ROBO2: variants seen among roughly 807,000 people sequenced by gnomAD.
ROBO2 encodes roundabout homolog 2.
A neutral mutation model predicts 160.8 loss-of-function variants in ROBO2; 53 were observed. The ratio of observed to expected loss-of-function variants is 0.33; its 90% CI spans 0.26 to 0.41. The LOEUF (loss-of-function observed/expected upper bound fraction) is 0.41. Among genes scored for constraint, ROBO2 ranks in the 10% least tolerant of loss-of-function variants. The pLI is 1.00. For missense variants in ROBO2, 1,577 were observed against 1,722.4 expected (o/e 0.92, Z 1.49); for synonymous variants, 664 against 611.7 (o/e 1.09, Z -1.26).
intron 2 of ROBO2, among the ~76,000 whole-genome samples, chr3:77,457,062 C>T (rs2081732189): frequency 6.6e-6 from 1 of 152,162 alleles, no homozygotes; most frequent in Admixed American, 6.5e-5. Context: ...CTTTAAAAGT[C>T]CAGCACACCA....
At chr3:77,173,142 G>A (rs866535470) in intron 2 of ROBO2, among the ~76,000 whole-genome samples, 1 of 152,146 alleles carries the variant, frequency 6.6e-6, no homozygotes, top group Non-Finnish European at 1.5e-5. Flanking sequence ...ACTTTGGAAG[G>A]TAAGAACATT....
At chr3:76,256,299 GTCTCTCTCTCTC>G (rs372215718) in intron 2 of ROBO2, among the ~76,000 whole-genome samples, 6,267 of 92,436 alleles carry the variant, frequency 0.068, 260 homozygotes, top group East Asian at 0.087. Flanking sequence ...GACAGAGTGA[GTCTCTCTCTCTC>G]TCTCTCTCTC....
At chr3:76,885,015 A>G (rs1350133713) in intron 2 of ROBO2, among the ~76,000 whole-genome samples, 1 of 152,212 alleles carries the variant, frequency 6.6e-6, no homozygotes, top group Non-Finnish European at 1.5e-5. Flanking sequence ...GATTAAATAA[A>G]CAATGGATGC....
chr3:76,386,814 A>G (rs1046037471), intron 2 of ROBO2, among the ~76,000 whole-genome samples: 1 of 152,148 alleles, frequency 6.6e-6, no homozygotes, highest in Non-Finnish European at 1.5e-5. Context: ...GGACATACAT[A>G]TGCTAGGAGC....
intron 2 of ROBO2, among the ~76,000 whole-genome samples, chr3:76,596,472 G>A (rs2086741690): frequency 6.6e-6 from 1 of 152,110 alleles, no homozygotes; most frequent in South Asian, 2.1e-4. Context: ...GCAGCAGATA[G>A]AACCCTCTCT....
intron 5 of ROBO2, among the ~76,000 whole-genome samples, chr3:77,493,781 A>G (rs550721909): frequency 1.3e-5 from 2 of 152,274 alleles, no homozygotes; most frequent in Non-Finnish European, 2.9e-5. Context: ...GGCCCAAAGC[A>G]TAACTAACAA....
At chr3:77,025,749 A>G (rs949235522) in intron 2 of ROBO2, among the ~76,000 whole-genome samples, 1 of 152,204 alleles carries the variant, frequency 6.6e-6, no homozygotes, top group African/African-American at 2.4e-5. Context: ...TTACACGTGC[A>G]AATCCCTGGA....
At chr3:77,120,004 A>T (rs1018028576) in intron 2 of ROBO2, among the ~76,000 whole-genome samples, 3 of 152,190 alleles carry the variant, frequency 2.0e-5, no homozygotes, top group African/African-American at 7.2e-5. Context: ...AATGACTGTT[A>T]TGATAGAATG....
At chr3:77,456,234 C>G (rs1002896294) in intron 2 of ROBO2, among the ~76,000 whole-genome samples, 1 of 152,118 alleles carries the variant, frequency 6.6e-6, no homozygotes, top group Non-Finnish European at 1.5e-5. Flanking sequence ...TAAGTTGAAA[C>G]AACAAGCCAA....
intron 2 of ROBO2, among the ~76,000 whole-genome samples, chr3:77,324,078 C>G (rs1167946156): frequency 6.6e-6 from 1 of 152,144 alleles, no homozygotes; most frequent in African/African-American, 2.4e-5. Context: ...CAATTTGCTG[C>G]TTGGGACAGT....
intron 2 of ROBO2, among the ~76,000 whole-genome samples, chr3:76,244,603 C>A (rs919608596): frequency 8.5e-5 from 13 of 152,128 alleles, no homozygotes; most frequent in African/African-American, 3.1e-4. Context: ...CACAACTTTT[C>A]TTGAAGCTGC....
chr3:76,496,855 T>C lies in ROBO2; in HGVS notation c.109+559253T>C, dbSNP rs897241369. Among the ~76,000 whole-genome samples the C allele has an allele frequency of 5.3e-5, 8 of 152,304 alleles. No homozygotes were observed. In the South Asian group the frequency reaches 1.7e-3, roughly 32 times the overall value. ...TATTATATGGCATCCCAATCCACCATCTAATATTGCAATAGACTTGTGGCT... is the reference window on the plus strand; with the variant it reads ...TATTATATGGCATCCCAATCCACCACCTAATATTGCAATAGACTTGTGGCT... On this transcript the variant is annotated intron_variant, in intron 2 of 26. Transcript: ENST00000487694.
chr3:77,132,260 G>A (rs544379988), intron 2 of ROBO2, among the ~76,000 whole-genome samples: 67 of 152,096 alleles, frequency 4.4e-4, no homozygotes, highest in African/African-American at 7.5e-4. Flanking sequence ...TTGTAGTTTT[G>A]ATTTCTCTGA....
chr3:77,123,207 C>T (rs1271102721), intron 2 of ROBO2, among the ~76,000 whole-genome samples: 1 of 152,088 alleles, frequency 6.6e-6, no homozygotes, highest in African/African-American at 2.4e-5. Context: ...ATTTAGTGTT[C>T]TGTGAATTGA....
At chr3:77,185,768 C>T (rs866304186) in intron 2 of ROBO2, among the ~76,000 whole-genome samples, 4 of 151,602 alleles carry the variant, frequency 2.6e-5, no homozygotes, top group Middle Eastern at 3.4e-3. Flanking sequence ...CCCAAATGCC[C>T]ATCAATCAAC....
chr3:76,002,109 C>G (rs145740766), intron 2 of ROBO2, among the ~76,000 whole-genome samples: 1 of 152,088 alleles, frequency 6.6e-6, no homozygotes, highest in Admixed American at 6.6e-5. Context: ...AATAATGAGG[C>G]GGTAATTCCA....
chr3:76,738,930 G>A (rs1041813806), intron 2 of ROBO2, among the ~76,000 whole-genome samples: 7 of 152,118 alleles, frequency 4.6e-5, no homozygotes, highest in Non-Finnish European at 7.4e-5. Context: ...GGAATAGGGA[G>A]AATAAATGAA....
rs184808004 is a variant in ROBO2 at position 76,511,192 on chromosome 3, T to G, written c.109+573590T>G. Among the ~76,000 whole-genome samples the G allele has an allele frequency of 1.4e-4, 22 of 152,340 alleles. No individual in the cohort carries two copies. The East Asian group carries it at 4.3e-3, about 29-fold the overall frequency. ...GAATGCCAGGGACAGATAACTGTGC[T>G]GGCCTGTGCTACCGTGTCAGGCACA... On this transcript the variant is annotated intron_variant, in intron 2 of 26. Coordinates refer to the ROBO2 transcript ENST00000487694.
At chr3:77,529,719 G>A (rs1220842969) in intron 6 of ROBO2, among the ~76,000 whole-genome samples, 1 of 151,788 alleles carries the variant, frequency 6.6e-6, no homozygotes, top group African/African-American at 2.4e-5. Context: ...CCATTGGACT[G>A]GAACTAAAGA....
Sources: gnomAD v4.1 joint callset for allele counts (sites outside exome capture counted in the v4.1 genomes callset) on GRCh38, gnomAD v4.1.1 for gene constraint, MANE v1.5 for transcripts, NCBI Gene and HGNC (gene_info 2026-07-23, HGNC 2026-07-21) for gene names.